CDYL: variants seen among roughly 807,000 people sequenced by gnomAD.
CDYL encodes chromodomain Y like, also known as chromodomain Y-like protein.
A neutral mutation model predicts 47.3 loss-of-function variants in CDYL; 8 were observed. The ratio of observed to expected loss-of-function variants is 0.17; its 90% CI spans 0.10 to 0.31. The LOEUF (loss-of-function observed/expected upper bound fraction) is 0.31, where lower values mean the gene tolerates loss of function less well. CDYL is among the 10% of genes least tolerant of loss of function. The pLI is 1.00. For missense variants in CDYL, 471 were observed against 701.4 expected (o/e 0.67, Z 3.71); for synonymous variants, 266 against 265.0 (o/e 1.00, Z -0.04).
chr6:4,842,887 G>A (rs1760542885), intron 1 of CDYL, among the ~76,000 whole-genome samples: 2 of 152,110 alleles, frequency 1.3e-5, no homozygotes, highest in African/African-American at 4.8e-5. Context: ...ATGCTTTAAG[G>A]AGGTTCTATT....
chr6:4,740,766 G>A (rs964074792), intron 3 of CDYL, among the ~76,000 whole-genome samples: 2 of 151,836 alleles, frequency 1.3e-5, no homozygotes, highest in African/African-American at 4.8e-5. Flanking sequence ...GGCATCTGTT[G>A]GAAAGGGCAT....
At chr6:4,876,293 C>T (rs185197745) in intron 1 of CDYL, among the ~76,000 whole-genome samples, 1 of 152,290 alleles carries the variant, frequency 6.6e-6, no homozygotes, top group Admixed American at 6.5e-5. Context: ...GAACAGAGCT[C>T]CTATAAATAT....
intron 1 of CDYL, among the ~76,000 whole-genome samples, chr6:4,791,280 G>A (rs1419389961): frequency 6.6e-6 from 1 of 152,234 alleles, no homozygotes; most frequent in East Asian, 1.9e-4. Flanking sequence ...TGAGGTGGAG[G>A]GAACAGGGCT....
At chr6:4,866,232 C>A (rs808596) in intron 1 of CDYL, among the ~76,000 whole-genome samples, 7,248 of 152,150 alleles carry the variant, frequency 0.048, 559 homozygotes, top group African/African-American at 0.17. Context: ...AGAGTGAATA[C>A]AGTTAAAGGA....
chr6:4,937,750 G>A lies in CDYL; in HGVS notation c.1121+13G>A, dbSNP rs754290199. ...CAGAAGCTATCAGGTATGTAAAAAT[G>A]ATGTTTTTTAAACATTGGTTGGGTG... On this transcript the variant is annotated intron_variant, in intron 4 of 6. Transcript: ENST00000397588. 7 of 1,597,076 alleles carry A rather than the reference G, an allele frequency of 4.4e-6. No individual in the cohort carries two copies. The South Asian group carries it at 7.9e-5, about 18-fold the overall frequency.
intron 1 of CDYL, among the ~76,000 whole-genome samples, chr6:4,822,550 T>G (rs115640617): frequency 0.027 from 4,036 of 152,230 alleles, 182 homozygotes; most frequent in African/African-American, 0.092. Flanking sequence ...TGAATACCAA[T>G]AATTTCTAAT....
At chr6:4,915,397 G>C (rs573033064) in intron 2 of CDYL, among the ~76,000 whole-genome samples, 1 of 152,296 alleles carries the variant, frequency 6.6e-6, no homozygotes, top group African/African-American at 2.4e-5. Context: ...ACCAAAAATA[G>C]CATTCTAAGC....
At chr6:4,801,934 C>G (rs1188940388) in intron 1 of CDYL, among the ~76,000 whole-genome samples, 1 of 152,190 alleles carries the variant, frequency 6.6e-6, no homozygotes, top group South Asian at 2.1e-4. Flanking sequence ...GTATGTAGTT[C>G]AGCTGTCAGC....
At chr6:4,774,467 TG>T (rs1758386378), upstream of CDYL, 1 of 152,160 alleles carries the variant, frequency 6.6e-6, no homozygotes, top group Admixed American at 6.5e-5. Flanking sequence ...AGGCGCTGTT[TG>T]GAGGAGGGAG....
intron 1 of CDYL, among the ~76,000 whole-genome samples, chr6:4,850,069 C>T (rs1760778874): frequency 6.6e-6 from 1 of 152,142 alleles, no homozygotes; most frequent in African/African-American, 2.4e-5. Flanking sequence ...CAACATACTT[C>T]ATAGAGTTTT....
At chr6:4,777,354 G>A (rs1288328164) in intron 1 of CDYL, among the ~76,000 whole-genome samples, 4 of 152,190 alleles carry the variant, frequency 2.6e-5, no homozygotes. Flanking sequence ...ATTGTGGCCA[G>A]AGCCAGGAAA....
chr6:4,724,595 G>GT (rs1757456282), intron 2 of CDYL: 1 of 152,528 alleles, frequency 6.6e-6, no homozygotes, highest in Admixed American at 6.5e-5. Flanking sequence ...GCTCGGATGT[G>GT]TTTGGAGTTT....
intron 1 of CDYL, among the ~76,000 whole-genome samples, chr6:4,710,917 CCACACACACACACACA>C (rs67002698): frequency 2.7e-5 from 4 of 149,504 alleles, no homozygotes; most frequent in African/African-American, 7.4e-5. Context: ...GGTGTTCTCA[CCACACACACACACACA>C]CACACACACA....
At position 4,952,257 on chromosome 6, in the gene CDYL, T is replaced by C; in HGVS notation, c.1333-9T>C. Reference sequence around the variant, plus strand: ...CAATTCATATTACATCCACTCTTCTTCCTTGCAGGCAAACGAGATGCTGCT... The same window carrying C: ...CAATTCATATTACATCCACTCTTCTCCCTTGCAGGCAAACGAGATGCTGCT... On this transcript the variant is annotated splice_polypyrimidine_tract_variant and intron_variant, in intron 5 of 6. Coordinates refer to ENST00000397588, the MANE Select transcript of CDYL (RefSeq NM_004824.4). 6.2e-7 allele frequency: 1 copy of C among 1,612,658 alleles called. No individual in the cohort carries two copies. Among genetic ancestry groups the C allele is most frequent in the South Asian group, 1.1e-5 (1 of 90,828 alleles).
intron 3 of CDYL, among the ~76,000 whole-genome samples, chr6:4,735,283 T>A (rs111735705): frequency 1.3e-5 from 2 of 150,566 alleles, no homozygotes; most frequent in African/African-American, 4.9e-5. Flanking sequence ...ACAGCGAAAC[T>A]CTGTCTCAAA....
chr6:4,896,645 G>A (rs920815255), intron 2 of CDYL, among the ~76,000 whole-genome samples: 3 of 152,208 alleles, frequency 2.0e-5, no homozygotes, highest in Non-Finnish European at 4.4e-5. Flanking sequence ...TGAATGAGGA[G>A]AAGCCGCGCT....
chr6:4,749,845 C>G (rs1489158562), intron 3 of CDYL, among the ~76,000 whole-genome samples: 1 of 152,064 alleles, frequency 6.6e-6, no homozygotes, highest in Non-Finnish European at 1.5e-5. Context: ...GGGTCCCCTT[C>G]GAGAGTGAAA....
intron 1 of CDYL, among the ~76,000 whole-genome samples, chr6:4,838,190 A>G (rs1458780995): frequency 6.6e-6 from 1 of 152,080 alleles, no homozygotes; most frequent in Non-Finnish European, 1.5e-5. Flanking sequence ...TTTTGGGAAC[A>G]GGTGGTGTTT....
chr6:4,936,084 G>A (rs1230815573), intron 3 of CDYL, among the ~76,000 whole-genome samples: 3 of 152,212 alleles, frequency 2.0e-5, no homozygotes, highest in Admixed American at 6.5e-5. Context: ...TGGCGGGCAC[G>A]GGGCTCCATG....
Sources: gnomAD v4.1 joint callset for allele counts (sites outside exome capture counted in the v4.1 genomes callset) on GRCh38, gnomAD v4.1.1 for gene constraint, MANE v1.5 for transcripts, NCBI Gene and HGNC (gene_info 2026-07-23, HGNC 2026-07-21) for gene names.